NEGR1: variants seen among roughly 807,000 people sequenced by gnomAD.
NEGR1 encodes IgLON family member 4.
A neutral mutation model predicts 40.9 loss-of-function variants in NEGR1; 10 were observed. That is an observed-to-expected ratio of 0.24 (90% CI 0.15 to 0.42). The LOEUF (loss-of-function observed/expected upper bound fraction) is 0.42, where lower values mean the gene tolerates loss of function less well. Among genes scored for constraint, NEGR1 ranks in the 10% least tolerant of loss-of-function variants. NEGR1 has a pLI of 1.00. For synonymous variants in NEGR1, 185 were observed against 166.8 expected, an observed-to-expected ratio of 1.11 and a Z score of -0.84; for missense variants, 352 against 438.9, an observed-to-expected ratio of 0.80 and a Z score of 1.77.
At chr1:71,895,847 T>G (rs893079874) in intron 2 of NEGR1, among the ~76,000 whole-genome samples, 5 of 152,130 alleles carry the variant, frequency 3.3e-5, no homozygotes, top group Admixed American at 6.5e-5. Context: ...AGTAACTGTG[T>G]GTTTTTGAGA....
intron 1 of NEGR1, among the ~76,000 whole-genome samples, chr1:72,056,759 C>T (rs1386957900): frequency 1.3e-5 from 2 of 151,454 alleles, no homozygotes; most frequent in Non-Finnish European, 1.5e-5. Flanking sequence ...CAACAGTGTT[C>T]TAAGTAATAA....
intron 1 of NEGR1, among the ~76,000 whole-genome samples, chr1:72,050,523 A>G (rs143684048): frequency 3.6e-3 from 548 of 151,702 alleles, no homozygotes; most frequent in African/African-American, 0.012. Flanking sequence ...GTCTACTTCA[A>G]TTCTAACTAA....
intron 1 of NEGR1, among the ~76,000 whole-genome samples, chr1:72,216,281 G>C (rs1302328146): frequency 2.0e-5 from 3 of 149,526 alleles, no homozygotes; most frequent in Non-Finnish European, 3.0e-5. Context: ...CTAGATGATG[G>C]GTTGACAGGT....
chr1:72,209,515 A>G (rs548113773), intron 1 of NEGR1, among the ~76,000 whole-genome samples: 5 of 151,698 alleles, frequency 3.3e-5, no homozygotes, highest in African/African-American at 1.2e-4. Context: ...AAATTCTAGA[A>G]CTCTGAACAC....
In NEGR1 at chr1:72,275,143, G is replaced by A. The variant is rs141972890; in HGVS notation, c.176+7176C>T. The stretch of plus-strand genomic sequence containing the variant: ...GATCTTTATTTCCCGCACGTACGAT[G>A]CCACCCATGTGTTTTTCTAATTGAA... On this transcript the variant is annotated intron_variant, in intron 1 of 6. Coordinates refer to ENST00000357731, the MANE Select transcript of NEGR1 (RefSeq NM_173808.3). The A allele has an allele frequency of 8.3e-4, 592 of 714,636 alleles. 8 individuals carry two copies. The East Asian group carries it at 9.4e-3, about 11-fold the overall frequency. 44.3% of individuals were successfully genotyped at this position (714,636 alleles called of 1,614,324 possible).
intron 1 of NEGR1, among the ~76,000 whole-genome samples, chr1:72,241,370 T>C (rs375028293): frequency 2.1e-4 from 32 of 151,710 alleles, no homozygotes; most frequent in Admixed American, 7.3e-4. Flanking sequence ...CCACTATAGT[T>C]GCTAACATGG....
At chr1:72,276,705 G>A (rs1054232276) in intron 1 of NEGR1, among the ~76,000 whole-genome samples, 20 of 151,960 alleles carry the variant, frequency 1.3e-4, no homozygotes, top group African/African-American at 4.1e-4. Flanking sequence ...CAGTGCTGGC[G>A]AGCAACACTT....
Position 71,599,103 on chromosome 1 carries a change from G to T in NEGR1, c.789-6135C>A, listed in dbSNP as rs1185062927. ...TAGTTTTTTCATCTGTGAAATGGGA[G>T]AAATGAAGCCAATCACAAAGTGTTA... On this transcript the variant is annotated intron_variant, in intron 5 of 6. Coordinates refer to ENST00000357731, the MANE Select transcript of NEGR1 (RefSeq NM_173808.3). Among the ~76,000 whole-genome samples, 4 of 152,072 alleles carry T rather than the reference G, an allele frequency of 2.6e-5. No individual in the cohort carries two copies. In the East Asian group the frequency reaches 7.7e-4, roughly 29 times the overall value.
At chr1:72,054,003 T>A (rs1011163260) in intron 1 of NEGR1, among the ~76,000 whole-genome samples, 1 of 151,174 alleles carries the variant, frequency 6.6e-6, no homozygotes, top group Non-Finnish European at 1.5e-5. Flanking sequence ...TAGAAGAGAA[T>A]AAAGCCATAA....
At chr1:71,703,055 A>T (rs901436668) in intron 3 of NEGR1, 1 of 152,134 alleles carries the variant, frequency 6.6e-6, no homozygotes, top group Non-Finnish European at 1.5e-5. Flanking sequence ...GTACTTGCAT[A>T]GGCAAAAAAT....
intron 6 of NEGR1, among the ~76,000 whole-genome samples, chr1:71,449,080 C>T (rs1212205809): frequency 6.6e-6 from 1 of 152,114 alleles, no homozygotes; most frequent in Non-Finnish European, 1.5e-5. Flanking sequence ...CTGCACTACC[C>T]ATAGGAAGTA....
At chr1:71,905,683 G>T (rs1661256373) in intron 2 of NEGR1, among the ~76,000 whole-genome samples, 1 of 151,992 alleles carries the variant, frequency 6.6e-6, no homozygotes, top group African/African-American at 2.4e-5. Flanking sequence ...CCTAGGAAAA[G>T]ATATAAAGCT....
In NEGR1 at chr1:71,599,567, T is replaced by C. The variant is rs375669578; in HGVS notation, c.789-6599A>G. On this transcript the variant is annotated intron_variant, in intron 5 of 6. Coordinates refer to ENST00000357731, the MANE Select transcript of NEGR1 (RefSeq NM_173808.3). ...CTTGATACTTAAGGCTTGAAAACAATATGATATCATTTATTCCTAGGAACA... is the reference window on the plus strand; with the variant it reads ...CTTGATACTTAAGGCTTGAAAACAACATGATATCATTTATTCCTAGGAACA... Among the ~76,000 whole-genome samples, 5 of 152,186 alleles carry C rather than the reference T, an allele frequency of 3.3e-5. No individual in the cohort carries two copies. In the East Asian group the frequency reaches 7.7e-4, roughly 23 times the overall value.
intron 1 of NEGR1, among the ~76,000 whole-genome samples, chr1:71,965,384 C>T (rs1646202017): frequency 1.3e-5 from 2 of 152,144 alleles, no homozygotes; most frequent in Admixed American, 6.6e-5. Context: ...GTATTATAAA[C>T]ACTACACTAT....
At chr1:71,762,874 G>T (rs1485493105) in intron 3 of NEGR1, among the ~76,000 whole-genome samples, 1 of 151,980 alleles carries the variant, frequency 6.6e-6, no homozygotes, top group Non-Finnish European at 1.5e-5. Context: ...CAATAAAGGA[G>T]AAATCAAAAC....
intron 6 of NEGR1, among the ~76,000 whole-genome samples, chr1:71,440,844 T>C (rs1646542267): frequency 6.6e-6 from 1 of 152,250 alleles, no homozygotes; most frequent in Admixed American, 6.5e-5. Flanking sequence ...TGTCTGGGTT[T>C]AGATCAGTCC....
intron 2 of NEGR1, among the ~76,000 whole-genome samples, chr1:71,839,396 A>G (rs1659158032): frequency 6.6e-6 from 1 of 151,140 alleles, no homozygotes; most frequent in African/African-American, 2.4e-5. Flanking sequence ...TTTTTAGTAG[A>G]GATGGGGTTT....
At chr1:72,057,400 A>G (rs917978603) in intron 1 of NEGR1, among the ~76,000 whole-genome samples, 2 of 151,570 alleles carry the variant, frequency 1.3e-5, no homozygotes, top group East Asian at 3.9e-4. Flanking sequence ...ATACATTTAA[A>G]TGCTCCTATC....
intron 3 of NEGR1, among the ~76,000 whole-genome samples, chr1:71,751,882 A>C (rs1272007982): frequency 6.6e-6 from 1 of 152,218 alleles, no homozygotes; most frequent in Non-Finnish European, 1.5e-5. Flanking sequence ...TGTGGAGGAC[A>C]TTATGTGAAT....
Sources: allele counts gnomAD v4.1 joint callset (sites outside exome capture counted in the v4.1 genomes callset), GRCh38; gene constraint gnomAD v4.1.1; transcripts MANE v1.5; gene names NCBI Gene and HGNC (gene_info 2026-07-23, HGNC 2026-07-21).